Variants in MAP4K5 observed in about 807,000 individuals in gnomAD.
MAP4K5 encodes mitogen-activated protein kinase kinase kinase kinase 5.
Under a neutral mutation model 135.6 loss-of-function variants are expected in MAP4K5, and 82 were observed. The observed-to-expected ratio is 0.60, with a 90% CI of 0.51 to 0.73. The LOEUF is 0.73. Among genes scored for constraint, MAP4K5 ranks in the 30% least tolerant of loss-of-function variants. MAP4K5 has a pLI of 0.00. For synonymous variants in MAP4K5, 347 were observed against 335.0 expected (o/e 1.04, Z -0.39); for missense variants, 907 against 1,010.9 (o/e 0.90, Z 1.39).
intron 1 of MAP4K5, chr14:50,559,695 C>A (rs1454815773): frequency 6.5e-6 from 1 of 153,322 alleles, no homozygotes; most frequent in African/African-American, 2.4e-5. Flanking sequence ...TATACATATA[C>A]AAAAATGCAT....
At chr14:50,557,714 A>T (rs1421675834) in intron 1 of MAP4K5, among the ~76,000 whole-genome samples, 2 of 152,234 alleles carry the variant, frequency 1.3e-5, no homozygotes, top group African/African-American at 4.8e-5. Context: ...ACTTATGATT[A>T]AAAAGATGCA....
intron 14 of MAP4K5, chr14:50,450,691 C>T (rs913548828): frequency 6.6e-6 from 1 of 152,202 alleles, no homozygotes; most frequent in Admixed American, 6.5e-5. Context: ...TAACAGAGCG[C>T]TGTGAGCTTC....
At chr14:50,498,938 T>A (rs2037650008) in intron 3 of MAP4K5, among the ~76,000 whole-genome samples, 1 of 152,224 alleles carries the variant, frequency 6.6e-6, no homozygotes, top group Non-Finnish European at 1.5e-5. Context: ...AGAATTCATT[T>A]TTGAAATACA....
intron 2 of MAP4K5, among the ~76,000 whole-genome samples, chr14:50,538,590 C>A (rs113293293): frequency 6.6e-6 from 1 of 152,086 alleles, no homozygotes; most frequent in Admixed American, 6.5e-5. Context: ...AAAAGGGTGC[C>A]CAAAGTTTGC....
chr14:50,428,763 A>G lies in MAP4K5; in HGVS notation c.2234-9T>C. ...TACAATTTTCACAAATTCTTAAAAA[A>G]AAAAAACAAGTCAAGACTGGACATG... On this transcript the variant is annotated splice_polypyrimidine_tract_variant and intron_variant, in intron 29 of 32. Coordinates refer to ENST00000682126, the MANE Select transcript of MAP4K5 (RefSeq NM_006575.6). 1.5e-6 allele frequency: 2 copies of G among 1,363,312 alleles called. No homozygotes were observed. The highest frequency in any genetic ancestry group is 1.5e-5 in the African/African-American group (1 of 66,906). 84.5% of individuals were successfully genotyped at this position (1,363,312 alleles called of 1,614,324 possible).
At chr14:50,489,502 T>C (rs1003137153) in intron 3 of MAP4K5, among the ~76,000 whole-genome samples, 2 of 152,234 alleles carry the variant, frequency 1.3e-5, no homozygotes, top group Non-Finnish European at 2.9e-5. Flanking sequence ...TGCTAGTACC[T>C]TACATTTAAT....
intron 29 of MAP4K5, 73 bp from the exon 30 acceptor site, chr14:50,428,827 T>C (rs899987127): frequency 1.3e-6 from 1 of 744,938 alleles, no homozygotes; most frequent in Non-Finnish European, 2.2e-6. Context: ...TATATGTGGA[T>C]TTTACATGGA....
At chr14:50,420,296 T>C (rs1200294503) in intron 32 of MAP4K5, among the ~76,000 whole-genome samples, 190 bp from the exon 33 acceptor site, 1 of 152,132 alleles carries the variant, frequency 6.6e-6, no homozygotes. Flanking sequence ...GAATATAAAA[T>C]ATTGAAGACA....
chr14:50,518,208 G>A (rs1203446749), intron 2 of MAP4K5, among the ~76,000 whole-genome samples: 1 of 152,108 alleles, frequency 6.6e-6, no homozygotes, highest in African/African-American at 2.4e-5. Context: ...GACAAGGTAG[G>A]GGTTATATGC....
At chr14:50,426,788 C>A (rs1438058693) in intron 30 of MAP4K5, among the ~76,000 whole-genome samples, 1 of 152,102 alleles carries the variant, frequency 6.6e-6, no homozygotes, top group Non-Finnish European at 1.5e-5. Flanking sequence ...CATTTAACCA[C>A]ACATTGAATA....
intron 3 of MAP4K5, among the ~76,000 whole-genome samples, chr14:50,498,336 G>A (rs1289866770): frequency 6.6e-6 from 1 of 152,188 alleles, no homozygotes; most frequent in Non-Finnish European, 1.5e-5. Context: ...TTGTAAGGTG[G>A]TGACTTTAGT....
At chr14:50,464,178 G>A (rs75035602) in intron 11 of MAP4K5, 45 bp from the exon 12 acceptor site, 20,494 of 917,576 alleles carry the variant, frequency 0.022, 341 homozygotes, top group East Asian at 0.066. Flanking sequence ...CTACTATTAC[G>A]TTTCGGTGTT....
Position 50,418,974 on chromosome 14 carries a change from TA to T in MAP4K5, c.*1044del, listed in dbSNP as rs1595405001. 3 of 152,186 alleles carry T rather than the reference TA, an allele frequency of 2.0e-5. No individual in the cohort carries two copies. Among genetic ancestry groups the T allele is most frequent in the Non-Finnish European group, 4.4e-5 (3 of 67,996 alleles). 9.4% of individuals were successfully genotyped at this position (152,186 alleles called of 1,614,324 possible). On this transcript the variant is annotated 3_prime_UTR_variant, in exon 33 of 33. Coordinates refer to ENST00000682126, the MANE Select transcript of MAP4K5 (RefSeq NM_006575.6). ...CCATCAGGAATTCAATTCATTTAAA[TA>T]TTTTTTTTCTTCTTCAACCTACTCA...
At chr14:50,527,698 GT>G (rs2038296245) in intron 2 of MAP4K5, among the ~76,000 whole-genome samples, 1 of 151,986 alleles carries the variant, frequency 6.6e-6, no homozygotes, top group Non-Finnish European at 1.5e-5. Context: ...AGAGACATCT[GT>G]TTCTGTCCCC....
At chr14:50,447,960 G>C (rs2036394098) in intron 15 of MAP4K5, among the ~76,000 whole-genome samples, 1 of 152,112 alleles carries the variant, frequency 6.6e-6, no homozygotes, top group Non-Finnish European at 1.5e-5. Flanking sequence ...CAATAGGCTA[G>C]GTTAGGCTAA....
At chr14:50,445,952 T>C (rs1006539239) in intron 17 of MAP4K5, 127 bp downstream of exon 17, 2 of 540,576 alleles carry the variant, frequency 3.7e-6, no homozygotes, top group Middle Eastern at 5.1e-4. Flanking sequence ...CATACACTTC[T>C]TTTGAAGAAA....
At chr14:50,447,067 A>C (rs2036370348) in intron 16 of MAP4K5, among the ~76,000 whole-genome samples, 1 of 152,194 alleles carries the variant, frequency 6.6e-6, no homozygotes, top group Non-Finnish European at 1.5e-5. Flanking sequence ...ACAGGTTAGG[A>C]ACAACTCATG....
intron 28 of MAP4K5, 23 bp from the exon 29 acceptor site, chr14:50,429,283 T>A: frequency 6.9e-7 from 1 of 1,445,646 alleles, no homozygotes; most frequent in Non-Finnish European, 9.5e-7. Flanking sequence ...AAAACAAGGT[T>A]ACAATTATAC....
At chr14:50,485,522 A>G (rs2139928723) in intron 5 of MAP4K5, 56 bp downstream of exon 5, 5 of 1,133,082 alleles carry the variant, frequency 4.4e-6, no homozygotes, top group Non-Finnish European at 6.4e-6. Context: ...GGAAATATCG[A>G]ACAACAATCA....
Sources: gnomAD v4.1 joint callset for allele counts (sites outside exome capture counted in the v4.1 genomes callset) on GRCh38, gnomAD v4.1.1 for gene constraint, MANE v1.5 for transcripts, NCBI Gene and HGNC (gene_info 2026-07-23, HGNC 2026-07-21) for gene names.